The following ASIC4 variants were observed in gnomAD, a reference collection of about 807,000 sequenced individuals.
ASIC4 encodes acid sensing ion channel subunit family member 4.
A neutral mutation model predicts 53.4 loss-of-function variants in ASIC4; 28 were observed. The ratio of observed to expected loss-of-function variants is 0.52; its 90% CI spans 0.39 to 0.72. The LOEUF (loss-of-function observed/expected upper bound fraction) is 0.72. Among genes scored for constraint, ASIC4 ranks in the 30% least tolerant of loss-of-function variants. The pLI is 0.00. For synonymous variants in ASIC4, 289 were observed against 301.4 expected, an observed-to-expected ratio of 0.96 and a Z score of 0.43; for missense variants, 649 against 729.7, an observed-to-expected ratio of 0.89 and a Z score of 1.27.
chr2:219,519,963 A>G (rs1270030374), intron 1 of ASIC4, among the ~76,000 whole-genome samples: 1 of 152,128 alleles, frequency 6.6e-6, no homozygotes, highest in African/African-American at 2.4e-5. Context: ...CAGGTGCAGG[A>G]CATGACCTTG....
intron 1 of ASIC4, among the ~76,000 whole-genome samples, chr2:219,529,568 C>G (rs1510661): frequency 0.95 from 144,491 of 152,230 alleles, 69,016 homozygotes; most frequent in East Asian, 1. Flanking sequence ...CCGAGGTAGG[C>G]TAGGCTTGGA....
chr2:219,528,698 C>T (rs1410502063), intron 1 of ASIC4, among the ~76,000 whole-genome samples: 1 of 152,152 alleles, frequency 6.6e-6, no homozygotes, highest in Admixed American at 6.6e-5. Context: ...CACCATGACA[C>T]CCAGCTAATT....
chr2:219,520,770 C>A (rs1297222443), intron 1 of ASIC4, among the ~76,000 whole-genome samples: 1 of 152,178 alleles, frequency 6.6e-6, no homozygotes, highest in East Asian at 1.9e-4. Flanking sequence ...CAGGGCTGAT[C>A]CTGCCCTCAG....
At chr2:219,514,316 A>G (rs1694740405), upstream of ASIC4, 4 of 1,515,540 alleles carry the variant, frequency 2.6e-6, no homozygotes, top group Non-Finnish European at 2.7e-6. Context: ...GTCCTGAATT[A>G]TTAAGCGTGG....
chr2:219,527,309 C>G (rs1559117732), intron 1 of ASIC4, among the ~76,000 whole-genome samples: 1 of 152,246 alleles, frequency 6.6e-6, no homozygotes, highest in Non-Finnish European at 1.5e-5. Flanking sequence ...TCTGGCCAGT[C>G]CGTTCCCTGC....
chr2:219,532,122 A>G lies in ASIC4; in HGVS notation c.849A>G (p.Glu283=), dbSNP rs767798894. 1.6e-5 allele frequency: 26 copies of G among 1,614,136 alleles called. No individual in the cohort carries two copies. The African/African-American group carries it at 2.7e-4, about 17-fold the overall frequency. The part of the protein sequence containing the change: ...PGFQTFVSCQ[E]QRLTYLPQPW... ...TCCAGACCTTTGTGTCCTGCCAGGA[A>G]CAGCGGGTGAGCATCTCCTGCTAGG... The change falls in exon 3 of 10, where the codon GAA becomes GAG. Residue 283 remains glutamate, a synonymous_variant. Coordinates refer to ENST00000358078, the MANE Select transcript of ASIC4 (RefSeq NM_018674.6).
At position 219,514,922 on chromosome 2, in the gene ASIC4, C is replaced by G; in HGVS notation, c.198C>G (p.Arg66=). ...RACGPGPHGL[R]RTLWALALLT... ...GTGGCCCAGGCCCCCACGGACTGCGCAGAACCCTGTGGGCACTGGCCCTAC... is the reference window on the plus strand; with the variant it reads ...GTGGCCCAGGCCCCCACGGACTGCGGAGAACCCTGTGGGCACTGGCCCTAC... Residue 66 remains arginine, a synonymous_variant, in exon 1 of 10, where the codon CGC becomes CGG. Coordinates refer to ENST00000358078, the MANE Select transcript of ASIC4 (RefSeq NM_018674.6). The G allele has an allele frequency of 6.2e-7, 1 of 1,613,044 alleles. No individual in the cohort carries two copies.
Position 219,531,984 on chromosome 2 carries a change from C to T in ASIC4, c.728-17C>T. On this transcript the variant is annotated splice_polypyrimidine_tract_variant and intron_variant, in intron 2 of 9. Transcript: ENST00000358078. ...GCCTGGGATGGGTTTCCAAAGGTCCCCATCTCTGCTGTGCAGATGAGACGT... is the reference window on the plus strand; with the variant it reads ...GCCTGGGATGGGTTTCCAAAGGTCCTCATCTCTGCTGTGCAGATGAGACGT... 6.2e-7 allele frequency: 1 copy of T among 1,614,096 alleles called. No homozygotes were observed.
intron 1 of ASIC4, among the ~76,000 whole-genome samples, chr2:219,529,696 G>C (rs964609837): frequency 6.6e-6 from 1 of 152,190 alleles, no homozygotes; most frequent in Non-Finnish European, 1.5e-5. Context: ...TCTGAGCTGT[G>C]ATGTCCTCAT....
upstream of ASIC4, among the ~76,000 whole-genome samples, chr2:219,510,862 CATT>C (rs1402656586): frequency 1.3e-5 from 2 of 151,702 alleles, no homozygotes; most frequent in Non-Finnish European, 2.9e-5. This position sits in a 1 kb window ranked among gnomAD's most constrained non-coding sequence, Gnocchi z 5.2. Context: ...CTGGGACTCT[CATT>C]AACCGCTTCT....
chr2:219,513,561 C>A (rs1175548615), upstream of ASIC4, among the ~76,000 whole-genome samples: 1 of 152,232 alleles, frequency 6.6e-6, no homozygotes, highest in Non-Finnish European at 1.5e-5. Flanking sequence ...CACTGGGGCT[C>A]TTCCTCTCCC....
chr2:219,519,366 G>A (rs1694851175), intron 1 of ASIC4, among the ~76,000 whole-genome samples: 1 of 152,186 alleles, frequency 6.6e-6, no homozygotes, highest in Non-Finnish European at 1.5e-5. Context: ...ACCACCTACT[G>A]GTTTCCGACC....
rs1313956027 is a variant in ASIC4, at chr2:219,518,331, A to G, written c.582+3025A>G. On this transcript the variant is annotated intron_variant, in intron 1 of 9. Transcript: ENST00000358078. The surrounding 1 kb of genome is among the most constrained non-coding windows in gnomAD (Gnocchi z 4.8). ...TTGCCAGACGAGGTGCATGGGTAGTAAGAGGTCGAGTTCAGAGAAGGAGAG... is the reference window on the plus strand; with the variant it reads ...TTGCCAGACGAGGTGCATGGGTAGTGAGAGGTCGAGTTCAGAGAAGGAGAG... Among the ~76,000 whole-genome samples the G allele has an allele frequency of 6.6e-6, 1 of 152,132 alleles. No homozygotes were observed. The highest frequency in any genetic ancestry group is 2.4e-5 in the African/African-American group (1 of 41,420).
intron 1 of ASIC4, among the ~76,000 whole-genome samples, chr2:219,524,698 G>A (rs1694937431): frequency 6.6e-6 from 1 of 152,216 alleles, no homozygotes; most frequent in Admixed American, 6.5e-5. Flanking sequence ...CTTAACTAAG[G>A]GCAAGGCCCA....
In ASIC4 at chr2:219,532,112, C is replaced by A; in HGVS notation, c.839C>A (p.Ser280Tyr). The A allele has an allele frequency of 1.9e-6, 3 of 1,614,212 alleles. No homozygotes were observed. The South Asian group carries it at 3.3e-5, about 18-fold the overall frequency. ...TCCCCAGGCTTCCAGACCTTTGTGT[C>A]CTGCCAGGAACAGCGGGTGAGCATC... ...GVSPGFQTFVSCQEQRLTYLP... is the reference protein window; with the variant it reads ...GVSPGFQTFVYCQEQRLTYLP... Residue 280 changes from serine to tyrosine, a missense_variant, in exon 3 of 10, where the codon TCC (serine) becomes TAC (tyrosine). Transcript: ENST00000358078.
upstream of ASIC4, chr2:219,514,194 C>T: frequency 2.1e-6 from 2 of 960,610 alleles, no homozygotes; most frequent in Non-Finnish European, 3.0e-6. Context: ...TAGGGTGCAG[C>T]AGGAGTTTGG....
Position 219,531,983 on chromosome 2 carries a change from C to T in ASIC4, c.728-18C>T. 6.2e-7 allele frequency: 1 copy of T among 1,614,068 alleles called. No individual in the cohort carries two copies. The highest frequency in any genetic ancestry group is 1.1e-5 in the South Asian group (1 of 91,080). Reference sequence around the variant, plus strand: ...TGCCTGGGATGGGTTTCCAAAGGTCCCCATCTCTGCTGTGCAGATGAGACG... The same window carrying T: ...TGCCTGGGATGGGTTTCCAAAGGTCTCCATCTCTGCTGTGCAGATGAGACG... On this transcript the variant is annotated intron_variant, in intron 2 of 9. Transcript: ENST00000358078.
intron 1 of ASIC4, among the ~76,000 whole-genome samples, chr2:219,523,301 C>CGGA (rs112924690): frequency 0.011 from 1,661 of 152,314 alleles, 32 homozygotes; most frequent in East Asian, 0.058. Flanking sequence ...ACCTGGGTCC[C>CGGA]GGAGGCCTTC....
chr2:219,531,893 A>C lies in ASIC4; in HGVS notation c.718A>C (p.Arg240=). ...IQQEEYLPIW[R]ETNETSFEAG... ...GCAGGAGGAGTACCTGCCCATCTGG[A>C]GGGAGACAAGTACGCAGGCCGGAAA... Residue 240 remains arginine (R), a synonymous_variant, in exon 2 of 10, where the codon AGG becomes CGG. Coordinates refer to ENST00000358078, the MANE Select transcript of ASIC4 (RefSeq NM_018674.6). 1 of 1,611,428 alleles carries C rather than the reference A, an allele frequency of 6.2e-7. No homozygotes were observed. The highest frequency in any genetic ancestry group is 1.1e-5 in the South Asian group (1 of 90,746).
Sources: allele counts gnomAD v4.1 joint callset (sites outside exome capture counted in the v4.1 genomes callset), GRCh38; gene constraint gnomAD v4.1.1; non-coding constraint Gnocchi (gnomAD v3.1); transcripts MANE v1.5; gene names NCBI Gene and HGNC (gene_info 2026-07-23, HGNC 2026-07-21).